Variants in SLC1A2 observed in about 807,000 individuals in gnomAD.
The protein encoded by SLC1A2 is excitatory amino acid transporter 2.
A neutral mutation model predicts 48.8 loss-of-function variants in SLC1A2; 15 were observed. The ratio of observed to expected loss-of-function variants is 0.31; its 90% CI spans 0.21 to 0.47. The LOEUF (loss-of-function observed/expected upper bound fraction) is 0.47, where lower values mean the gene tolerates loss of function less well. Ranked by LOEUF, SLC1A2 falls within the 20% of genes least tolerant of loss-of-function variation. SLC1A2 has a pLI of 0.99. For synonymous variants in SLC1A2, 279 were observed against 272.6 expected (o/e 1.02, Z -0.23); for missense variants, 502 against 730.5 (o/e 0.69, Z 3.61).
At chr11:35,346,318 C>G (rs561035570) in intron 1 of SLC1A2, among the ~76,000 whole-genome samples, 1 of 152,318 alleles carries the variant, frequency 6.6e-6, no homozygotes, top group East Asian at 1.9e-4. Context: ...ACTTCTTCCT[C>G]CCTTAGTCTC....
intron 1 of SLC1A2, among the ~76,000 whole-genome samples, chr11:35,384,074 T>G (rs112288607): frequency 6.6e-6 from 1 of 152,180 alleles, no homozygotes. Flanking sequence ...CAGCCAGGAC[T>G]TTTTTGGTTG....
chr11:35,374,125 C>T (rs1386882476), intron 1 of SLC1A2: 1 of 214,976 alleles, frequency 4.7e-6, no homozygotes, highest in Admixed American at 5.7e-5. Context: ...AAAGTAGTGC[C>T]CTGCAGGTTA....
chr11:35,311,769 C>T (rs1222563429), intron 4 of SLC1A2, among the ~76,000 whole-genome samples: 1 of 151,290 alleles, frequency 6.6e-6, no homozygotes, highest in African/African-American at 2.4e-5. Context: ...ACTGTGTATT[C>T]TAGAAGGTTG....
At chr11:35,408,602 C>G (rs1855370664) in intron 1 of SLC1A2, among the ~76,000 whole-genome samples, 1 of 152,166 alleles carries the variant, frequency 6.6e-6, no homozygotes, top group Non-Finnish European at 1.5e-5. Context: ...TTTTTATTCC[C>G]AGTTTCAGGT....
At chr11:35,324,860 A>G (rs1210572279) in intron 1 of SLC1A2, among the ~76,000 whole-genome samples, 1 of 152,156 alleles carries the variant, frequency 6.6e-6, no homozygotes, top group Non-Finnish European at 1.5e-5. Context: ...CATCACCCCA[A>G]ACAGAAATAA....
intron 1 of SLC1A2, among the ~76,000 whole-genome samples, chr11:35,319,549 A>C (rs1851993969): frequency 6.6e-6 from 1 of 152,212 alleles, no homozygotes; most frequent in Admixed American, 6.5e-5. Context: ...GTTGGTATTC[A>C]AGTAAAACTA....
intron 5 of SLC1A2, among the ~76,000 whole-genome samples, chr11:35,302,037 G>C (rs1054799371): frequency 1.3e-5 from 2 of 152,212 alleles, no homozygotes; most frequent in African/African-American, 4.8e-5. Flanking sequence ...AAACTTTGGA[G>C]CCAATATTGG....
At position 35,257,922 on chromosome 11, in the gene SLC1A2, C is replaced by G. The variant is rs1319553622; in HGVS notation, c.*2972G>C. 6.6e-6 allele frequency: 1 copy of G among 152,196 alleles called. No individual in the cohort carries two copies. Among genetic ancestry groups the G allele is most frequent in the African/African-American group, 2.4e-5 (1 of 41,442 alleles). 9.4% of individuals were successfully genotyped at this position (152,196 alleles called of 1,614,324 possible). ...ATTATCAAATAGTAACAGACTATTA[C>G]AAGCATTCATATATATGTTGAACCA... On this transcript the variant is annotated 3_prime_UTR_variant, in exon 11 of 11. Coordinates refer to ENST00000278379, the MANE Select transcript of SLC1A2 (RefSeq NM_004171.4).
chr11:35,286,942 A>T lies in SLC1A2; in HGVS notation c.1101T>A (p.Thr367=), dbSNP rs757938100. 21 of 1,613,900 alleles carry T rather than the reference A, an allele frequency of 1.3e-5. No individual in the cohort carries two copies. In the East Asian group the frequency reaches 4.2e-4, roughly 33 times the overall value. The part of the protein sequence containing the change: ...TALGTASSAG[T]LPVTFRCLEE... ...CCAGGCAACGAAAGGTGACAGGCAA[A>T]GTTCCAGCACTGAGAACAAAGAGAA... Residue 367 remains threonine (T), a synonymous_variant, in exon 8 of 11, where the codon ACT becomes ACA. Coordinates refer to ENST00000278379, the MANE Select transcript of SLC1A2 (RefSeq NM_004171.4).
intron 1 of SLC1A2, among the ~76,000 whole-genome samples, chr11:35,335,499 A>G (rs115021673): frequency 0.026 from 3,894 of 152,324 alleles, 155 homozygotes; most frequent in African/African-American, 0.089. Context: ...TTGATGATCC[A>G]GACCCTGGGC....
At chr11:35,415,997 C>T (rs965035165) in intron 1 of SLC1A2, among the ~76,000 whole-genome samples, 1 of 152,198 alleles carries the variant, frequency 6.6e-6, no homozygotes, top group African/African-American at 2.4e-5. Context: ...TAATTCTAGC[C>T]ATGACAGGGG....
intron 6 of SLC1A2, among the ~76,000 whole-genome samples, chr11:35,295,161 C>G (rs1328323216): frequency 2.0e-5 from 3 of 152,142 alleles, no homozygotes; most frequent in Non-Finnish European, 4.4e-5. Context: ...AATCCTTTCA[C>G]CTCAGCCTCC....
chr11:35,397,198 C>G (rs1854991392), intron 1 of SLC1A2, among the ~76,000 whole-genome samples: 1 of 150,770 alleles, frequency 6.6e-6, no homozygotes, highest in African/African-American at 2.4e-5. Flanking sequence ...CATATGGAAC[C>G]AAAAAACAGC....
intron 1 of SLC1A2, among the ~76,000 whole-genome samples, chr11:35,403,401 G>GC (rs1855191051): frequency 6.6e-6 from 1 of 152,238 alleles, no homozygotes; most frequent in African/African-American, 2.4e-5. Flanking sequence ...CTAGTGCACT[G>GC]CCAGAAGGCA....
In SLC1A2 at chr11:35,419,303, T is replaced by G; in HGVS notation, c.-337A>C. 4.2e-5 allele frequency: 11 copies of G among 260,284 alleles called. No individual in the cohort carries two copies. Among genetic ancestry groups the G allele is most frequent in the East Asian group, 1.4e-4 (2 of 13,962 alleles). The allele number at this position is 260,284 out of a possible 1,614,324, so 16.1% of individuals were successfully genotyped here. ...GCTGCAGGAGGGCGCACGCCGGCGA[T>G]GCGCCCCTGCAGCCGCTGCCACCTG... On this transcript the variant is annotated 5_prime_UTR_variant, in exon 1 of 11. Transcript: ENST00000278379. This position sits in a 1 kb window ranked among gnomAD's most constrained non-coding sequence, Gnocchi z 5.4.
At chr11:35,378,849 C>T (rs938817712) in intron 1 of SLC1A2, among the ~76,000 whole-genome samples, 16 of 152,268 alleles carry the variant, frequency 1.1e-4, no homozygotes, top group African/African-American at 2.4e-4. Context: ...ATAGCCAATG[C>T]GGCTAAATGT....
rs115016891 is a variant in SLC1A2 at position 35,371,459 on chromosome 11, G to A, written c.17+47491C>T. Among the ~76,000 whole-genome samples, 1,145 of 152,316 alleles carry A rather than the reference G, an allele frequency of 7.5e-3. 18 individuals carry two copies. Among genetic ancestry groups the A allele is most frequent in the African/African-American group, 0.026 (1,093 of 41,562 alleles). ...CCACTGGGCAGTCTACAACAGTGGA[G>A]CAAAGTGAAGCTGATGGGTCCCCTG... On this transcript the variant is annotated intron_variant, in intron 1 of 10. Transcript: ENST00000278379.
Position 35,380,348 on chromosome 11 carries a change from C to T in SLC1A2, c.17+38602G>A, listed in dbSNP as rs78103819. 7.9e-3 allele frequency: 3,160 copies of T among 398,550 alleles called. 82 individuals carry two copies. The highest frequency in any genetic ancestry group is 0.059 in the African/African-American group (2,866 of 48,726). The allele number at this position is 398,550 out of a possible 1,614,324, so 24.7% of individuals were successfully genotyped here. Reference sequence around the variant, plus strand: ...TTTGCTTTGCTTCTGAAAAATAAGCCAGGTTGTAGCCCTGGTCATTGTGAG... The same window carrying T: ...TTTGCTTTGCTTCTGAAAAATAAGCTAGGTTGTAGCCCTGGTCATTGTGAG... On this transcript the variant is annotated intron_variant, in intron 1 of 10. Transcript: ENST00000278379.
chr11:35,350,095 T>C (rs576419338), intron 1 of SLC1A2, among the ~76,000 whole-genome samples: 1 of 152,300 alleles, frequency 6.6e-6, no homozygotes, highest in East Asian at 1.9e-4. Context: ...CGCAGTACTG[T>C]GGCACATGGT....
Sources: allele counts gnomAD v4.1 joint callset (sites outside exome capture counted in the v4.1 genomes callset), GRCh38; gene constraint gnomAD v4.1.1; non-coding constraint Gnocchi (gnomAD v3.1); transcripts MANE v1.5; gene names NCBI Gene and HGNC (gene_info 2026-07-23, HGNC 2026-07-21).